UBE3D: variants seen among roughly 807,000 people sequenced by gnomAD.
The protein encoded by UBE3D is E3 ubiquitin-protein ligase E3D.
In UBE3D, 48 loss-of-function variants were observed where a neutral mutation model predicts 49.6. The observed-to-expected ratio is 0.97, with a 90% CI of 0.77 to 1.23. The LOEUF (loss-of-function observed/expected upper bound fraction) is 1.23. Ranked by LOEUF, UBE3D falls within the 50% of genes most tolerant of loss-of-function variation. The probability of loss-of-function intolerance (pLI) is 0.00; values close to 1 mark genes in which losing one functional copy is unlikely to be tolerated. For missense variants in UBE3D, 452 were observed against 468.4 expected (o/e 0.96, Z 0.32); for synonymous variants, 189 against 174.2 (o/e 1.08, Z -0.67).
In UBE3D at chr6:82,892,974, C is replaced by T; in HGVS notation, c.*48G>A. ...GCTGACTGCTGGCCTCGGTGTGCTC[C>T]TGCTTGAGAGCTGTCTGCCGGGGGA... On this transcript the variant is annotated 3_prime_UTR_variant, in exon 10 of 10. Transcript: ENST00000369747. 3 of 1,612,726 alleles carry T rather than the reference C, an allele frequency of 1.9e-6. No homozygotes were observed. Among genetic ancestry groups the T allele is most frequent in the Non-Finnish European group, 2.5e-6 (3 of 1,179,092 alleles).
Position 82,966,022 on chromosome 6 carries a change from T to C in UBE3D, c.1011-8572A>G, listed in dbSNP as rs377511970. Among the ~76,000 whole-genome samples, 303 of 152,362 alleles carry C rather than the reference T, an allele frequency of 2.0e-3. 2 individuals carry two copies. Among genetic ancestry groups the C allele is most frequent in the African/African-American group, 6.9e-3 (286 of 41,588 alleles). On this transcript the variant is annotated intron_variant, in intron 8 of 9. Transcript: ENST00000369747. Reference sequence around the variant, plus strand: ...TACACTTTGAAAAAAGTAACAATTCTTTCATATCAGGTCTGTAGTTAGTGC... The same window carrying C: ...TACACTTTGAAAAAAGTAACAATTCCTTCATATCAGGTCTGTAGTTAGTGC...
chr6:82,905,050 C>T (rs542480741), intron 9 of UBE3D, among the ~76,000 whole-genome samples: 1 of 152,140 alleles, frequency 6.6e-6, no homozygotes, highest in Non-Finnish European at 1.5e-5. Context: ...ATAATCCACT[C>T]CTGAGAAATT....
At chr6:83,047,678 T>A (rs1461262750) in intron 3 of UBE3D, among the ~76,000 whole-genome samples, 1 of 152,134 alleles carries the variant, frequency 6.6e-6, no homozygotes, top group Non-Finnish European at 1.5e-5. Context: ...AAAAAGACCC[T>A]TGGTGGCCAC....
At chr6:82,897,107 CTT>C (rs909164073) in intron 9 of UBE3D, among the ~76,000 whole-genome samples, 5 of 152,006 alleles carry the variant, frequency 3.3e-5, no homozygotes, top group Middle Eastern at 6.8e-3. Context: ...AGAAAGGACT[CTT>C]TACACTAAGT....
At chr6:82,905,574 A>G (rs1332083324) in intron 9 of UBE3D, among the ~76,000 whole-genome samples, 1 of 152,156 alleles carries the variant, frequency 6.6e-6, no homozygotes, top group Non-Finnish European at 1.5e-5. Context: ...TGGCCTCTAA[A>G]TGTTCAAGTG....
chr6:82,999,448 G>T (rs1047349568), intron 8 of UBE3D, among the ~76,000 whole-genome samples: 32 of 152,072 alleles, frequency 2.1e-4, no homozygotes, highest in African/African-American at 7.2e-4. Context: ...GCAGTGGCGC[G>T]ATCTAGGCTC....
intron 8 of UBE3D, among the ~76,000 whole-genome samples, chr6:82,997,221 G>A (rs1366718509): frequency 3.9e-5 from 6 of 151,962 alleles, no homozygotes; most frequent in Non-Finnish European, 5.9e-5. Context: ...TGCACAAGAA[G>A]GCATGTGCAA....
intron 7 of UBE3D, among the ~76,000 whole-genome samples, chr6:83,020,309 A>T (rs1045845069): frequency 6.6e-6 from 1 of 151,156 alleles, no homozygotes; most frequent in African/African-American, 2.4e-5. Flanking sequence ...TGAAGCAAGC[A>T]GGTTGCAGAA....
intron 5 of UBE3D, among the ~76,000 whole-genome samples, chr6:83,032,767 G>A (rs538092327): frequency 1.2e-4 from 18 of 152,134 alleles, no homozygotes; most frequent in Admixed American, 2.6e-4. Context: ...TCATGGGGGC[G>A]GGGTTTTCCT....
chr6:83,018,429 T>C (rs1288524997), intron 8 of UBE3D: 1 of 152,338 alleles, frequency 6.6e-6, no homozygotes, highest in Admixed American at 6.5e-5. Context: ...CATTTTTCAC[T>C]AGAGTGATTT....
chr6:83,035,644 T>C (rs527956075), intron 5 of UBE3D, among the ~76,000 whole-genome samples: 1 of 151,942 alleles, frequency 6.6e-6, no homozygotes, highest in Non-Finnish European at 1.5e-5. Flanking sequence ...ATCCTTGGTG[T>C]TCTGAAATTA....
intron 8 of UBE3D, among the ~76,000 whole-genome samples, chr6:83,005,923 A>G (rs760652670): frequency 6.6e-6 from 1 of 152,132 alleles, no homozygotes; most frequent in Non-Finnish European, 1.5e-5. Flanking sequence ...TACACAAGAT[A>G]TCAAAAAGTA....
In UBE3D at chr6:82,892,634, A is replaced by C. The variant is rs6454308; in HGVS notation, c.*388T>G. ...AAGTTTATTTCCTAGGATTTACAGC[A>C]GTTAACATTCAGTTCCACCAATAAA... On this transcript the variant is annotated 3_prime_UTR_variant, in exon 10 of 10. Coordinates refer to ENST00000369747, the MANE Select transcript of UBE3D (RefSeq NM_198920.3). 5.1e-6 allele frequency: 1 copy of C among 196,616 alleles called. No individual in the cohort carries two copies. Among genetic ancestry groups the C allele is most frequent in the African/African-American group, 2.4e-5 (1 of 42,464 alleles). 12.2% of individuals were successfully genotyped at this position (196,616 alleles called of 1,614,324 possible). A position where few individuals can be genotyped will look rare whatever the true frequency, so the allele number is the denominator to read the frequency against.
intron 1 of UBE3D, among the ~76,000 whole-genome samples, chr6:83,065,128 C>T (rs1158750511): frequency 6.6e-6 from 1 of 152,200 alleles, no homozygotes; most frequent in African/African-American, 2.4e-5. Context: ...CTTAGTGGTT[C>T]ACTAAACTCA....
At chr6:82,896,334 A>T (rs1022982217) in intron 9 of UBE3D, among the ~76,000 whole-genome samples, 1 of 152,230 alleles carries the variant, frequency 6.6e-6, no homozygotes, top group African/African-American at 2.4e-5. Context: ...TTCTCAGAGC[A>T]TATGACTATA....
At chr6:82,920,785 T>C (rs535570526) in intron 9 of UBE3D, among the ~76,000 whole-genome samples, 2 of 152,176 alleles carry the variant, frequency 1.3e-5, no homozygotes, top group Non-Finnish European at 2.9e-5. Context: ...ATGTAATGTT[T>C]AAAGAAGTTA....
intron 8 of UBE3D, among the ~76,000 whole-genome samples, chr6:83,013,097 T>C (rs1167332494): frequency 2.6e-5 from 4 of 152,196 alleles, no homozygotes; most frequent in Non-Finnish European, 4.4e-5. Context: ...CTTCAGGACC[T>C]GCTCGAGCCC....
At chr6:82,952,290 T>C (rs1195539449) in intron 9 of UBE3D, among the ~76,000 whole-genome samples, 2 of 152,058 alleles carry the variant, frequency 1.3e-5, no homozygotes, top group Non-Finnish European at 2.9e-5. Flanking sequence ...ATGTAAACAA[T>C]AATATACCTT....
chr6:83,060,798 TG>T (rs1784123025), intron 1 of UBE3D, among the ~76,000 whole-genome samples: 1 of 152,188 alleles, frequency 6.6e-6, no homozygotes, highest in African/African-American at 2.4e-5. Flanking sequence ...AGGACTTCCT[TG>T]GCCACATCTG....
Sources: allele counts gnomAD v4.1 joint callset (sites outside exome capture counted in the v4.1 genomes callset), GRCh38; gene constraint gnomAD v4.1.1; transcripts MANE v1.5; gene names NCBI Gene and HGNC (gene_info 2026-07-23, HGNC 2026-07-21).